The following CTNNA3 variants were observed in gnomAD, a reference collection of about 807,000 sequenced individuals.
The protein encoded by CTNNA3 is catenin alpha-3.
In CTNNA3, 76 loss-of-function variants were observed where a neutral mutation model predicts 95.7. That is an observed-to-expected ratio of 0.79 (90% CI 0.66 to 0.96). CTNNA3 has a LOEUF of 0.96. Among genes scored for constraint, CTNNA3 ranks in the 40% least tolerant of loss-of-function variants. The probability of loss-of-function intolerance (pLI) is 0.00; values close to 1 mark genes in which losing one functional copy is unlikely to be tolerated. For synonymous variants in CTNNA3, 431 were observed against 374.4 expected (o/e 1.15, Z -1.74); for missense variants, 1,191 against 1,089.8 (o/e 1.09, Z -1.31).
rs1387005118 is a variant in CTNNA3 at position 67,566,039 on chromosome 10, GTGTGTATATATATA to G, written c.293-26384_293-26371del. Among the ~76,000 whole-genome samples the G allele has an allele frequency of 2.5e-4, 5 of 19,882 alleles. 2 individuals carry two copies. The East Asian group carries it at 0.01, about 41-fold the overall frequency. 13.0% of individuals were successfully genotyped at this position (19,882 alleles called of 152,430 possible). ...CAAACACACACACACACATATGTGT[GTGTGTATATATATA>G]TATATATATATATATATATACAAAA... On this transcript the variant is annotated intron_variant, in intron 3 of 17. Transcript: ENST00000433211.
intron 1 of CTNNA3, among the ~76,000 whole-genome samples, chr10:67,707,555 G>A (rs1336362972): frequency 6.6e-6 from 1 of 151,920 alleles, no homozygotes; most frequent in East Asian, 1.9e-4. Flanking sequence ...TTATCTCACT[G>A]TTCCCAGTCA....
At chr10:67,432,463 T>C (rs1472488746) in intron 5 of CTNNA3, among the ~76,000 whole-genome samples, 6 of 152,128 alleles carry the variant, frequency 3.9e-5, no homozygotes, top group Admixed American at 6.6e-5. Context: ...GCACACCCTA[T>C]AGAGAGATGC....
chr10:67,315,563 T>C (rs903813745), intron 5 of CTNNA3, among the ~76,000 whole-genome samples: 1 of 152,108 alleles, frequency 6.6e-6, no homozygotes. Context: ...CACTTACAAG[T>C]GCTTCCTTAA....
intron 3 of CTNNA3, among the ~76,000 whole-genome samples, chr10:67,587,085 C>A (rs561675264): frequency 1.3e-5 from 2 of 152,096 alleles, no homozygotes; most frequent in South Asian, 2.1e-4. Flanking sequence ...AGTGCAGTGG[C>A]CTGATCACAA....
At chr10:67,335,244 G>A (rs374207784) in intron 5 of CTNNA3, among the ~76,000 whole-genome samples, 4 of 152,286 alleles carry the variant, frequency 2.6e-5, no homozygotes, top group South Asian at 4.1e-4. Flanking sequence ...GTGTATGAGT[G>A]AGGCTGCAAT....
chr10:66,145,366 G>C (rs775075286), intron 13 of CTNNA3, among the ~76,000 whole-genome samples: 1 of 152,154 alleles, frequency 6.6e-6, no homozygotes, highest in Non-Finnish European at 1.5e-5. Flanking sequence ...CTACAGATAT[G>C]GAAGTAGCAG....
chr10:67,134,106 C>A (rs985489536), intron 7 of CTNNA3, among the ~76,000 whole-genome samples: 24 of 152,068 alleles, frequency 1.6e-4, no homozygotes, highest in Admixed American at 1.4e-3. Context: ...AATTCCAAAG[C>A]ATATACTCTT....
intron 13 of CTNNA3, among the ~76,000 whole-genome samples, chr10:66,144,492 TA>T (rs199736309): frequency 2.5e-4 from 38 of 151,594 alleles, no homozygotes; most frequent in African/African-American, 4.1e-4. Flanking sequence ...TTTATTTATT[TA>T]TTTTTTTTTT....
chr10:67,096,794 G>T (rs1858020626), intron 7 of CTNNA3, among the ~76,000 whole-genome samples: 1 of 151,642 alleles, frequency 6.6e-6, no homozygotes, highest in Non-Finnish European at 1.5e-5. Context: ...GTATACTACT[G>T]GTTCCTTCAA....
At chr10:66,320,416 G>T (rs2092165040) in intron 12 of CTNNA3, among the ~76,000 whole-genome samples, 1 of 152,058 alleles carries the variant, frequency 6.6e-6, no homozygotes, top group African/African-American at 2.4e-5. Context: ...ATATGTCAGT[G>T]TTACCAAGCA....
chr10:67,513,432 A>C (rs1839704827), intron 5 of CTNNA3, among the ~76,000 whole-genome samples: 1 of 152,160 alleles, frequency 6.6e-6, no homozygotes, highest in African/African-American at 2.4e-5. Context: ...GGAAAGTGGA[A>C]ATGTAGAGTG....
intron 5 of CTNNA3, among the ~76,000 whole-genome samples, chr10:67,423,508 C>T (rs1845818365): frequency 2.6e-5 from 4 of 152,248 alleles, no homozygotes; most frequent in Middle Eastern, 3.4e-3. Flanking sequence ...AAAACAACAG[C>T]TACTTTGGGT....
Position 67,171,404 on chromosome 10 carries a change from G to A in CTNNA3, c.1047+8913C>T, listed in dbSNP as rs547418122. Among the ~76,000 whole-genome samples the A allele has an allele frequency of 1.9e-3, 292 of 151,992 alleles. 1 individual carries two copies. The highest frequency in any genetic ancestry group is 6.3e-3 in the African/African-American group (263 of 41,472). On this transcript the variant is annotated intron_variant, in intron 7 of 17. Transcript: ENST00000433211. The stretch of plus-strand genomic sequence containing the variant: ...AGCCTGACCAACATGGAGAAACCCC[G>A]TTTCTACTAAAAATATAAAATCAGA...
At chr10:66,204,483 G>A (rs2131928595) in intron 13 of CTNNA3, among the ~76,000 whole-genome samples, 1 of 152,208 alleles carries the variant, frequency 6.6e-6, no homozygotes, top group East Asian at 1.9e-4. Flanking sequence ...ATGGTTCTGG[G>A]TCACTTATAA....
intron 7 of CTNNA3, among the ~76,000 whole-genome samples, chr10:66,806,520 T>C (rs1422134943): frequency 6.6e-6 from 1 of 151,976 alleles, no homozygotes; most frequent in African/African-American, 2.4e-5. Context: ...AAAATTGTTT[T>C]GGCTTACTTA....
At chr10:66,031,000 A>G (rs1267059773) in intron 15 of CTNNA3, among the ~76,000 whole-genome samples, 5 of 152,272 alleles carry the variant, frequency 3.3e-5, no homozygotes, top group African/African-American at 9.6e-5. Flanking sequence ...ATAAAATACC[A>G]TCTCACATAA....
intron 5 of CTNNA3, among the ~76,000 whole-genome samples, chr10:67,290,059 GCCT>G (rs1465624881): frequency 6.6e-6 from 1 of 151,942 alleles, no homozygotes; most frequent in Non-Finnish European, 1.5e-5. Flanking sequence ...TCCTGCCTTG[GCCT>G]CCCAAAGTAC....
chr10:66,679,319 C>T (rs1371167929), intron 9 of CTNNA3, among the ~76,000 whole-genome samples: 1 of 152,036 alleles, frequency 6.6e-6, no homozygotes, highest in Non-Finnish European at 1.5e-5. Flanking sequence ...CTAGCTTCAG[C>T]AATTGGGAGA....
At chr10:66,708,915 T>C (rs12244605) in intron 9 of CTNNA3, among the ~76,000 whole-genome samples, 17,967 of 152,130 alleles carry the variant, frequency 0.12, 1,220 homozygotes, top group Middle Eastern at 0.19. Flanking sequence ...TCAACCGTTT[T>C]TTCTTTTCCA....
Sources: gnomAD v4.1 joint callset for allele counts (sites outside exome capture counted in the v4.1 genomes callset) on GRCh38, gnomAD v4.1.1 for gene constraint, MANE v1.5 for transcripts, NCBI Gene and HGNC (gene_info 2026-07-23, HGNC 2026-07-21) for gene names.